Variants in CELF4 observed in about 807,000 individuals in gnomAD.
The protein encoded by CELF4 is CUG-BP- and ETR-3-like factor 4.
Under a neutral mutation model 59.9 loss-of-function variants are expected in CELF4, and 18 were observed. The ratio of observed to expected loss-of-function variants is 0.30; its 90% CI spans 0.21 to 0.45. The LOEUF is 0.45. Ranked by LOEUF, CELF4 falls within the 20% of genes least tolerant of loss-of-function variation. The pLI, the probability that CELF4 is intolerant of heterozygous loss-of-function variation, is 1.00. For missense variants in CELF4, 456 were observed against 689.0 expected (o/e 0.66, Z 3.79); for synonymous variants, 261 against 267.1 (o/e 0.98, Z 0.22).
At chr18:37,434,762 G>C (rs2099684295) in intron 2 of CELF4, among the ~76,000 whole-genome samples, 1 of 152,128 alleles carries the variant, frequency 6.6e-6, no homozygotes, top group Admixed American at 6.5e-5. Context: ...GGCCCTTTCA[G>C]TGTAGGGAGT....
intron 2 of CELF4, among the ~76,000 whole-genome samples, chr18:37,434,348 T>C (rs2099681967): frequency 6.6e-6 from 1 of 152,202 alleles, no homozygotes; most frequent in African/African-American, 2.4e-5. Context: ...ATTTTTGGTC[T>C]ATTAACTGCT....
rs890061173 is a variant in CELF4, at chr18:37,469,230, G to A, written c.369+16295C>T. 5.9e-5 allele frequency among the ~76,000 whole-genome samples: 9 copies of A among 152,128 alleles called. 1 individual carries two copies. The highest frequency in any genetic ancestry group is 3.9e-4 in the Admixed American group (6 of 15,284). The stretch of plus-strand genomic sequence containing the variant: ...CCTTGCCTGACTTGCTTACCCCTTC[G>A]TGTCATGACGGCAGGGGCATCTACT... On this transcript the variant is annotated intron_variant, in intron 2 of 12. Transcript: ENST00000420428.
At chr18:37,499,174 A>G (rs2099928643) in intron 1 of CELF4, among the ~76,000 whole-genome samples, 1 of 152,138 alleles carries the variant, frequency 6.6e-6, no homozygotes, top group African/African-American at 2.4e-5. Flanking sequence ...GCTCAGAACG[A>G]CAGATGGTTT....
At chr18:37,456,914 C>T (rs954305160) in intron 2 of CELF4, among the ~76,000 whole-genome samples, 6 of 152,188 alleles carry the variant, frequency 3.9e-5, no homozygotes, top group African/African-American at 1.4e-4. Context: ...TTTAGAGATT[C>T]AGCCTTCATT....
chr18:37,384,123 A>AT (rs139532465), intron 2 of CELF4, among the ~76,000 whole-genome samples: 3,511 of 152,016 alleles, frequency 0.023, 138 homozygotes, highest in African/African-American at 0.079. Context: ...AGATACATGG[A>AT]TTGATTGATT....
At chr18:37,330,489 G>C (rs1035118861) in intron 2 of CELF4, among the ~76,000 whole-genome samples, 1 of 152,162 alleles carries the variant, frequency 6.6e-6, no homozygotes, top group Non-Finnish European at 1.5e-5. Context: ...CCATAGAGAG[G>C]GGTTAGAGAT....
At chr18:37,335,271 G>T (rs1264042765) in intron 2 of CELF4, among the ~76,000 whole-genome samples, 1 of 152,156 alleles carries the variant, frequency 6.6e-6, no homozygotes, top group African/African-American at 2.4e-5. Context: ...CAGGTCACGG[G>T]CACTGCCTGC....
At chr18:37,374,383 GCTCCGAA>G (rs1410021866) in intron 2 of CELF4, among the ~76,000 whole-genome samples, 1 of 152,116 alleles carries the variant, frequency 6.6e-6, no homozygotes, top group Non-Finnish European at 1.5e-5. Context: ...CTGACATCCG[GCTCCGAA>G]CTTCCACAGC....
In CELF4 at chr18:37,243,913, G is replaced by A. The variant is rs988597759; in HGVS notation, c.*1329C>T. The A allele has an allele frequency of 4.8e-5, 9 of 185,670 alleles. No individual in the cohort carries two copies. The highest frequency in any genetic ancestry group is 7.9e-5 in the Non-Finnish European group (7 of 88,982). The allele number at this position is 185,670 out of a possible 1,614,324, so 11.5% of individuals were successfully genotyped here. A position where few individuals can be genotyped will look rare whatever the true frequency, so the allele number is the denominator to read the frequency against. ...GGAAGCGAGAGGCGAGGATGACGGC[G>A]GCGGCGGCGGCGGCGACCCGGGCGA... is the stretch of plus-strand genomic sequence containing the variant. On this transcript the variant is annotated 3_prime_UTR_variant, in exon 13 of 13. Coordinates refer to ENST00000420428, the MANE Select transcript of CELF4 (RefSeq NM_020180.4).
intron 3 of CELF4, among the ~76,000 whole-genome samples, chr18:37,296,825 T>C (rs2095670469): frequency 6.6e-6 from 1 of 152,160 alleles, no homozygotes; most frequent in Admixed American, 6.5e-5. Context: ...GAACTGTCAG[T>C]CTCGGCTAGG....
At chr18:37,406,156 C>T (rs2099387861) in intron 2 of CELF4, among the ~76,000 whole-genome samples, 1 of 151,676 alleles carries the variant, frequency 6.6e-6, no homozygotes, top group Non-Finnish European at 1.5e-5. Flanking sequence ...TTTTAAACTC[C>T]CCTGCAGCCC....
At chr18:37,355,115 G>A (rs373585408) in intron 2 of CELF4, among the ~76,000 whole-genome samples, 6 of 152,184 alleles carry the variant, frequency 3.9e-5, no homozygotes, top group African/African-American at 1.2e-4. Context: ...GTCTAGACAC[G>A]ATGGAATCTG....
intron 3 of CELF4, among the ~76,000 whole-genome samples, chr18:37,314,264 T>C (rs199635759): frequency 6.6e-6 from 1 of 152,180 alleles, no homozygotes; most frequent in East Asian, 1.9e-4. Context: ...CTGGCCAACA[T>C]GGTGAAACTC....
At chr18:37,484,800 C>T (rs2099877389) in intron 2 of CELF4, among the ~76,000 whole-genome samples, 1 of 152,172 alleles carries the variant, frequency 6.6e-6, no homozygotes, top group African/African-American at 2.4e-5. Flanking sequence ...ATTGTATAAG[C>T]GTCAACACTA....
chr18:37,331,012 A>AT (rs983255745), intron 2 of CELF4, among the ~76,000 whole-genome samples: 5 of 152,208 alleles, frequency 3.3e-5, no homozygotes, highest in East Asian at 3.9e-4. Context: ...TCCAGATAAG[A>AT]TTTTTTAATA....
intron 2 of CELF4, among the ~76,000 whole-genome samples, chr18:37,379,249 G>A (rs1288992454): frequency 2.0e-5 from 3 of 152,144 alleles, no homozygotes; most frequent in Non-Finnish European, 2.9e-5. Flanking sequence ...TAAGGCAGAG[G>A]CTGTCTTCAC....
chr18:37,285,399 C>A (rs2094637537), intron 3 of CELF4, among the ~76,000 whole-genome samples: 1 of 152,264 alleles, frequency 6.6e-6, no homozygotes, highest in Non-Finnish European at 1.5e-5. Context: ...TGCCTGAAGC[C>A]CGTCCTTGGC....
intron 1 of CELF4, among the ~76,000 whole-genome samples, chr18:37,548,493 A>T (rs1216025360): frequency 6.6e-6 from 1 of 152,184 alleles, no homozygotes; most frequent in Admixed American, 6.5e-5. Context: ...ACTGTCACGT[A>T]GTAGGTGCAT....
chr18:37,333,569 G>A (rs962850725), intron 2 of CELF4, among the ~76,000 whole-genome samples: 1 of 152,100 alleles, frequency 6.6e-6, no homozygotes, highest in African/African-American at 2.4e-5. Context: ...AATGGGGTAG[G>A]GAGGCCACGC....
Sources: gnomAD v4.1 joint callset for allele counts (sites outside exome capture counted in the v4.1 genomes callset) on GRCh38, gnomAD v4.1.1 for gene constraint, MANE v1.5 for transcripts, NCBI Gene and HGNC (gene_info 2026-07-23, HGNC 2026-07-21) for gene names.